FTO: variants seen among roughly 807,000 people sequenced by gnomAD.
FTO encodes alpha-ketoglutarate-dependent dioxygenase FTO.
In FTO, 47 loss-of-function variants were observed where a neutral mutation model predicts 63.9. The ratio of observed to expected loss-of-function variants is 0.74; its 90% confidence interval spans 0.58 to 0.94. FTO has a LOEUF of 0.94. Among genes scored for constraint, FTO ranks in the 40% least tolerant of loss-of-function variants. The pLI, the probability that FTO is intolerant of heterozygous loss-of-function variation, is 0.00. For missense variants in FTO, 562 were observed against 618.1 expected, an observed-to-expected ratio of 0.91 and a Z score of 0.96; for synonymous variants, 207 against 224.4, an observed-to-expected ratio of 0.92 and a Z score of 0.69.
intron 8 of FTO, among the ~76,000 whole-genome samples, chr16:54,077,221 C>T (rs2086020438): frequency 6.6e-6 from 1 of 152,120 alleles, no homozygotes; most frequent in Admixed American, 6.5e-5. Context: ...CTCACGTGGC[C>T]ATGTGATTTT....
chr16:53,711,390 G>T, intron 1 of FTO: 2 of 398,530 alleles, frequency 5.0e-6, no homozygotes, highest in East Asian at 7.1e-5. Context: ...GTCGAGTAGT[G>T]TACTCAGCAC....
chr16:54,096,505 C>T (rs1483467732), intron 8 of FTO, among the ~76,000 whole-genome samples: 3 of 152,126 alleles, frequency 2.0e-5, no homozygotes, highest in South Asian at 2.1e-4. Context: ...TGGAATGAAG[C>T]GGCAGCTTAA....
intron 8 of FTO, among the ~76,000 whole-genome samples, chr16:54,102,675 A>G (rs1567573110): frequency 6.6e-6 from 1 of 152,192 alleles, no homozygotes; most frequent in African/African-American, 2.4e-5. Context: ...ACCATTGTTT[A>G]TATAGAAGCT....
chr16:53,850,786 T>G lies in FTO; in HGVS notation c.895+6488T>G, dbSNP rs1199925378. On this transcript the variant is annotated intron_variant, in intron 4 of 8. Coordinates refer to ENST00000471389, the MANE Select transcript of FTO (RefSeq NM_001080432.3). ...AAAATTAATGGAGATTGATTGCTAA[T>G]GGGTACAGGGCTGCTTTTAAGGCTA... 4.6e-5 allele frequency among the ~76,000 whole-genome samples: 7 copies of G among 152,120 alleles called. No individual in the cohort carries two copies. The East Asian group carries it at 1.4e-3, about 29-fold the overall frequency.
At chr16:53,970,758 G>A (rs182902462) in intron 8 of FTO, among the ~76,000 whole-genome samples, 16 of 152,002 alleles carry the variant, frequency 1.1e-4, no homozygotes, top group Non-Finnish European at 2.1e-4. Flanking sequence ...TAGATTTTTC[G>A]GTGAAAGCCG....
At chr16:53,743,710 A>G (rs189987351) in intron 1 of FTO, among the ~76,000 whole-genome samples, 8 of 151,670 alleles carry the variant, frequency 5.3e-5, no homozygotes, top group South Asian at 2.1e-4. Flanking sequence ...TAATTTCCCT[A>G]TTCTTTAATT....
intron 1 of FTO, among the ~76,000 whole-genome samples, chr16:53,779,031 T>C (rs2077526951): frequency 1.3e-5 from 2 of 152,200 alleles, no homozygotes; most frequent in Admixed American, 1.3e-4. Flanking sequence ...GCGAAAATTC[T>C]TTGAGTCAGT....
intron 8 of FTO, among the ~76,000 whole-genome samples, chr16:54,001,518 CT>C (rs2084066554): frequency 6.6e-6 from 1 of 152,174 alleles, no homozygotes; most frequent in Non-Finnish European, 1.5e-5. Context: ...GAAAACCTAG[CT>C]GTATTACACA....
At chr16:53,740,344 T>A (rs2076503850) in intron 1 of FTO, among the ~76,000 whole-genome samples, 1 of 152,236 alleles carries the variant, frequency 6.6e-6, no homozygotes, top group Non-Finnish European at 1.5e-5. Context: ...TTTATCGTAC[T>A]AAAAATTTTA....
chr16:53,965,079 C>CT (rs1251290356), intron 8 of FTO, among the ~76,000 whole-genome samples: 1 of 152,190 alleles, frequency 6.6e-6, no homozygotes, highest in African/African-American at 2.4e-5. Flanking sequence ...ACCCCCCGCC[C>CT]TTTTTTTGTT....
intron 1 of FTO, among the ~76,000 whole-genome samples, chr16:53,704,889 T>C (rs1226002830): frequency 6.6e-6 from 1 of 152,232 alleles, no homozygotes; most frequent in Admixed American, 6.5e-5. Context: ...ATTATACAGA[T>C]GGAGTATAAA....
intron 1 of FTO, among the ~76,000 whole-genome samples, chr16:53,804,632 CT>C (rs10602540): frequency 0.23 from 29,883 of 129,830 alleles, 4,164 homozygotes; most frequent in African/African-American, 0.49. Context: ...TCTTATTGAT[CT>C]TTTTTTTTTT....
At chr16:54,100,039 C>T (rs2086603099) in intron 8 of FTO, among the ~76,000 whole-genome samples, 2 of 152,180 alleles carry the variant, frequency 1.3e-5, no homozygotes, top group Admixed American at 1.3e-4. Context: ...CTGGCCTGAT[C>T]TTAAGAGTCA....
intron 8 of FTO, among the ~76,000 whole-genome samples, chr16:54,055,800 G>A (rs1186279872): frequency 6.6e-6 from 1 of 152,202 alleles, no homozygotes; most frequent in East Asian, 1.9e-4. Context: ...CCTACTCATG[G>A]GCACAATTCA....
At chr16:53,771,017 C>T (rs2077321065) in intron 1 of FTO, among the ~76,000 whole-genome samples, 1 of 152,116 alleles carries the variant, frequency 6.6e-6, no homozygotes, top group African/African-American at 2.4e-5. Flanking sequence ...TTGTTAATTA[C>T]AAAAGCAAAC....
At chr16:53,962,402 C>T (rs1003289319) in intron 8 of FTO, among the ~76,000 whole-genome samples, 5 of 152,174 alleles carry the variant, frequency 3.3e-5, no homozygotes, top group East Asian at 1.9e-4. Context: ...CTGTCAATTA[C>T]AGGGACATAC....
intron 4 of FTO, among the ~76,000 whole-genome samples, chr16:53,869,892 G>GT (rs1156409891): frequency 5.3e-5 from 8 of 151,920 alleles, no homozygotes; most frequent in East Asian, 1.9e-4. Flanking sequence ...TTCAAATTGT[G>GT]TTTTTTTGCC....
intron 1 of FTO, among the ~76,000 whole-genome samples, chr16:53,709,209 T>G (rs1257021741): frequency 6.6e-6 from 1 of 152,248 alleles, no homozygotes; most frequent in Non-Finnish European, 1.5e-5. Context: ...ACTTTTATGC[T>G]GTTTCCAAGT....
chr16:54,053,681 C>T (rs2085363404), intron 8 of FTO, among the ~76,000 whole-genome samples: 1 of 152,186 alleles, frequency 6.6e-6, no homozygotes, highest in African/African-American at 2.4e-5. Context: ...AAGGAAGTTA[C>T]ACGTGTAACT....
Sources: allele counts gnomAD v4.1 joint callset (sites outside exome capture counted in the v4.1 genomes callset), GRCh38; gene constraint gnomAD v4.1.1; transcripts MANE v1.5; gene names NCBI Gene and HGNC (gene_info 2026-07-23, HGNC 2026-07-21).